The following KMO variants were observed in gnomAD, a reference collection of about 807,000 sequenced individuals.
KMO encodes kynurenine 3-hydroxylase.
Under a neutral mutation model 57.8 loss-of-function variants are expected in KMO, and 24 were observed. That is an observed-to-expected ratio of 0.42 (90% CI 0.30 to 0.58). The LOEUF (loss-of-function observed/expected upper bound fraction) is 0.58, where lower values mean the gene tolerates loss of function less well. KMO is among the 20% of genes least tolerant of loss of function. KMO has a pLI of 0.22. For synonymous variants in KMO, 210 were observed against 193.6 expected (o/e 1.08, Z -0.70); for missense variants, 483 against 588.2 (o/e 0.82, Z 1.85).
Position 241,594,405 on chromosome 1 carries a change from T to C in KMO, c.*2252T>C. 1.2e-6 allele frequency: 2 copies of C among 1,603,598 alleles called. No individual in the cohort carries two copies. The highest frequency in any genetic ancestry group is 8.5e-7 in the Non-Finnish European group (1 of 1,173,216). ...AAGTGGCATCCAATTTAAGGCCCCA[T>C]CTTTCGTTGCCATTCTTCATTCCTA... On this transcript the variant is annotated 3_prime_UTR_variant, in exon 15 of 15. Transcript: ENST00000366559.
chr1:241,562,905 A>C (rs879754205), intron 7 of KMO, among the ~76,000 whole-genome samples: 3,593 of 41,816 alleles, frequency 0.086, 80 homozygotes, highest in Middle Eastern at 0.19. Context: ...GAAGGAAGGA[A>C]GGAAGGAAGG....
In KMO at chr1:241,581,389, TG is replaced by T. The variant is rs1194724559; in HGVS notation, c.958-5289del. 2.6e-5 allele frequency among the ~76,000 whole-genome samples: 4 copies of T among 152,140 alleles called. No individual in the cohort carries two copies. In the East Asian group the frequency reaches 7.7e-4, roughly 29 times the overall value. On this transcript the variant is annotated intron_variant, in intron 10 of 14. Transcript: ENST00000366559. Reference sequence around the variant, plus strand: ...ACAGTTACTTCTTTTCTGGTTGTTTTGTTGGTCCTCTTCTTCTTTCTTCCTT... The same window carrying T: ...ACAGTTACTTCTTTTCTGGTTGTTTTTTGGTCCTCTTCTTCTTTCTTCCTT...
Sources: allele counts gnomAD v4.1 joint callset (sites outside exome capture counted in the v4.1 genomes callset), GRCh38; gene constraint gnomAD v4.1.1; transcripts MANE v1.5; gene names NCBI Gene and HGNC (gene_info 2026-07-23, HGNC 2026-07-21).